The following IRAG2 variants were observed in gnomAD, a reference collection of about 807,000 sequenced individuals.
IRAG2 encodes the protein inositol 1,4,5-triphosphate receptor associated 2, also known as lymphoid restricted membrane protein.
In IRAG2, 45 loss-of-function variants were observed where a neutral mutation model predicts 69.9. The observed-to-expected ratio is 0.64, with a 90% CI of 0.51 to 0.83. The LOEUF (loss-of-function observed/expected upper bound fraction) is 0.83. Ranked by LOEUF, IRAG2 falls within the 40% of genes least tolerant of loss-of-function variation. IRAG2 has a pLI of 0.00. For missense variants in IRAG2, 520 were observed against 587.0 expected (o/e 0.89, Z 1.18); for synonymous variants, 193 against 202.4 (o/e 0.95, Z 0.40).
intron 10 of IRAG2, 102 bp from the exon 11 acceptor site, chr12:25,087,998 T>G: frequency 1.2e-6 from 1 of 802,342 alleles, no homozygotes; most frequent in Non-Finnish European, 2.1e-6. Context: ...TGTTATAGAG[T>G]GTTTTTGTCA....
At position 25,107,900 on chromosome 12, in the gene IRAG2, T is replaced by A; in HGVS notation, c.1340T>A (p.Phe447Tyr). The change falls in exon 22 of 22, where the codon TTC becomes TAC. Residue 447 changes from phenylalanine to tyrosine, a missense_variant. Physicochemically the swap from Phe to Tyr is conservative, Grantham distance 22 (BLOSUM62 3). Transcript: ENST00000556887. Reference protein sequence around the residue: ...ANKALWLSIAFIVLFAALMSF... With the variant: ...ANKALWLSIAYIVLFAALMSF... Reference sequence around the variant, plus strand: ...AAGGCCCTCTGGCTCTCTATTGCATTCATTGTACTGTTTGCAGCTTTGATG... The same window carrying A: ...AAGGCCCTCTGGCTCTCTATTGCATACATTGTACTGTTTGCAGCTTTGATG... 1 of 1,614,186 alleles carries A rather than the reference T, an allele frequency of 6.2e-7. No individual in the cohort carries two copies. The highest frequency in any genetic ancestry group is 8.5e-7 in the Non-Finnish European group (1 of 1,180,006).
chr12:24,998,191 A>G, the IRAG2 span, among the ~76,000 whole-genome samples: 1 of 152,304 alleles, frequency 6.6e-6, no homozygotes, highest in East Asian at 1.9e-4. Flanking sequence ...CTATTTTAGG[A>G]ATTGTTCCAA....
Position 25,107,810 on chromosome 12 carries a change from C to G in IRAG2, c.1257-7C>G, listed in dbSNP as rs1949308332. 2 of 1,608,088 alleles carry G rather than the reference C, an allele frequency of 1.2e-6. No individual in the cohort carries two copies. The highest frequency in any genetic ancestry group is 8.5e-7 in the Non-Finnish European group (1 of 1,174,998). On this transcript the variant is annotated splice_region_variant and splice_polypyrimidine_tract_variant and intron_variant, in intron 21 of 21. Transcript: ENST00000556887. ...ATTACCAAATTCTATTTGTGTTTTCCTTATAGTTATGACACAATAGCTTCC... is the reference window on the plus strand; with the variant it reads ...ATTACCAAATTCTATTTGTGTTTTCGTTATAGTTATGACACAATAGCTTCC...
At chr12:25,025,008 G>A (rs886246143) in intron 8 of IRAG2, among the ~76,000 whole-genome samples, 2 of 152,176 alleles carry the variant, frequency 1.3e-5, no homozygotes, top group Non-Finnish European at 2.9e-5. Context: ...GTAAAAATCT[G>A]ATGCATTGTG....
chr12:25,012,567 C>T (rs980029674), intron 3 of IRAG2, among the ~76,000 whole-genome samples: 1 of 152,100 alleles, frequency 6.6e-6, no homozygotes, highest in Non-Finnish European at 1.5e-5. Flanking sequence ...ATGGCTCACA[C>T]CTGTAATCCC....
intron 14 of IRAG2, among the ~76,000 whole-genome samples, chr12:25,091,697 G>C (rs1948077389): frequency 6.6e-6 from 1 of 151,930 alleles, no homozygotes; most frequent in African/African-American, 2.4e-5. Context: ...GTTTTTCATA[G>C]CAGCTATATC....
At chr12:25,077,404 T>TGATATATATATGA (rs1565563765) in intron 6 of IRAG2, among the ~76,000 whole-genome samples, 3 of 136,734 alleles carry the variant, frequency 2.2e-5, no homozygotes, top group Non-Finnish European at 4.6e-5. Context: ...GAAATATATA[T>TGATATATATATGA]ACACATAATA....
At chr12:25,014,621 A>C (rs1020277500) in intron 3 of IRAG2, among the ~76,000 whole-genome samples, 1 of 152,196 alleles carries the variant, frequency 6.6e-6, no homozygotes, top group Non-Finnish European at 1.5e-5. Flanking sequence ...CAGCCTGTAC[A>C]GAGGGTTTCC....
rs555236884 is a variant in IRAG2, at chr12:25,086,167, T to C, written c.316-1933T>C. Among the ~76,000 whole-genome samples, 22 of 152,290 alleles carry C rather than the reference T, an allele frequency of 1.4e-4. 1 individual carries two copies. In the South Asian group the frequency reaches 4.6e-3, roughly 32 times the overall value. ...AGTTGTGGGACTGGTTAGGATACTA[T>C]GGCAATAATTCAGATGAGATGAAGG... On this transcript the variant is annotated intron_variant, in intron 10 of 21. Transcript: ENST00000556887.
chr12:25,042,311 T>C (rs932694568), intron 16 of IRAG2, among the ~76,000 whole-genome samples: 3 of 152,124 alleles, frequency 2.0e-5, no homozygotes, highest in African/African-American at 4.8e-5. Flanking sequence ...GGAATAGAAA[T>C]CAAGATTTAT....
upstream of IRAG2, among the ~76,000 whole-genome samples, chr12:25,047,316 T>G (rs1035173348): frequency 3.9e-5 from 6 of 152,162 alleles, no homozygotes; most frequent in Admixed American, 3.3e-4. Flanking sequence ...AAAATAGGCA[T>G]GTTGGACTGC....
intron 8 of IRAG2, chr12:25,023,978 GT>G (rs1424726871): frequency 1.0e-6 from 1 of 958,790 alleles, no homozygotes. Flanking sequence ...TATCATCGTG[GT>G]TTATGGCTGT....
chr12:25,025,101 A>C (rs1269954011), intron 8 of IRAG2, among the ~76,000 whole-genome samples: 9 of 152,228 alleles, frequency 5.9e-5, no homozygotes, highest in Non-Finnish European at 8.8e-5. Flanking sequence ...ATTCATTGGA[A>C]GATCTTAGAG....
chr12:25,027,642 C>T lies in IRAG2; in HGVS notation c.1461+776C>T, dbSNP rs144304238. Among the ~76,000 whole-genome samples the T allele has an allele frequency of 8.8e-3, 1,340 of 152,254 alleles. 14 individuals carry two copies. The highest frequency in any genetic ancestry group is 0.015 in the Non-Finnish European group (1,027 of 68,022). On this transcript the variant is annotated intron_variant, in intron 9 of 38. Coordinates refer to the IRAG2 transcript ENST00000636465. ...ATCTCCTGACCTTGTGATCTGCCCA[C>T]CTCGGCCTCCCAAAGTGCTGGGATC...
At chr12:25,038,917 G>A (rs1944725217) in intron 16 of IRAG2, among the ~76,000 whole-genome samples, 1 of 152,124 alleles carries the variant, frequency 6.6e-6, no homozygotes, top group Non-Finnish European at 1.5e-5. Context: ...TGGGCACTGG[G>A]CAACTAAATG....
At chr12:25,105,233 C>T (rs1207938466) in intron 20 of IRAG2, among the ~76,000 whole-genome samples, 5 of 151,970 alleles carry the variant, frequency 3.3e-5, no homozygotes, top group East Asian at 3.9e-4. Context: ...CCCGCCACCA[C>T]GCCCGGCTAA....
At chr12:25,104,507 C>T (rs1482973580) in intron 20 of IRAG2, 45 bp downstream of exon 20, 1 of 1,028,954 alleles carries the variant, frequency 9.7e-7, no homozygotes, top group African/African-American at 1.6e-5. Context: ...TGAACTGGGG[C>T]ATAAACAATG....
Position 25,052,713 on chromosome 12 carries a change from C to T in IRAG2, c.-690C>T, listed in dbSNP as rs1010199929. 8 of 398,122 alleles carry T rather than the reference C, an allele frequency of 2.0e-5. No individual in the cohort carries two copies. Among genetic ancestry groups the T allele is most frequent in the East Asian group, 3.6e-5 (1 of 28,078 alleles). The allele number at this position is 398,122 out of a possible 1,614,324, so 24.7% of individuals were successfully genotyped here. A position where few individuals can be genotyped will look rare whatever the true frequency, so the allele number is the denominator to read the frequency against. Reference sequence around the variant, plus strand: ...GAAGAAAAACACATTTTCAGTTTTGCCTGCATCATAAGAGTGAGCACTCCA... The same window carrying T: ...GAAGAAAAACACATTTTCAGTTTTGTCTGCATCATAAGAGTGAGCACTCCA... On this transcript the variant is annotated 5_prime_UTR_variant, in exon 1 of 22. Coordinates refer to ENST00000556887, the MANE Select transcript of IRAG2 (RefSeq NM_001366544.2).
intron 6 of IRAG2, among the ~76,000 whole-genome samples, chr12:25,020,105 G>GA (rs1226651628): frequency 6.6e-6 from 1 of 152,094 alleles, no homozygotes. Context: ...AATTTCTTAG[G>GA]AAAAAAATTG....
Sources: allele counts gnomAD v4.1 joint callset (sites outside exome capture counted in the v4.1 genomes callset), GRCh38; gene constraint gnomAD v4.1.1; transcripts MANE v1.5; gene names NCBI Gene and HGNC (gene_info 2026-07-23, HGNC 2026-07-21).